The following ZNF654 variants were observed in gnomAD, a reference collection of about 807,000 sequenced individuals.
ZNF654 encodes the protein zinc finger protein 654.
A neutral mutation model predicts 95.3 loss-of-function variants in ZNF654; 19 were observed. The ratio of observed to expected loss-of-function variants is 0.20; its 90% CI spans 0.14 to 0.29. The LOEUF is 0.29. Ranked by LOEUF, ZNF654 falls within the 10% of genes least tolerant of loss-of-function variation. The pLI, the probability that ZNF654 is intolerant of heterozygous loss-of-function variation, is 1.00. For synonymous variants in ZNF654, 413 were observed against 457.9 expected, an observed-to-expected ratio of 0.90 and a Z score of 1.25; for missense variants, 1,046 against 1,341.0, an observed-to-expected ratio of 0.78 and a Z score of 3.44.
chr3:88,066,023 C>G (rs1246867098), intron 1 of ZNF654, among the ~76,000 whole-genome samples: 1 of 152,146 alleles, frequency 6.6e-6, no homozygotes, highest in Non-Finnish European at 1.5e-5. Context: ...CATGAGCTAC[C>G]GCGCCTAGCC....
At chr3:88,136,997 C>G (rs1208626741) in intron 7 of ZNF654, among the ~76,000 whole-genome samples, 1 of 151,938 alleles carries the variant, frequency 6.6e-6, no homozygotes, top group Admixed American at 6.6e-5. Context: ...AAGTTCAAGA[C>G]CAGTCTGGCC....
At chr3:88,106,681 A>C (rs566529374) in intron 2 of ZNF654, among the ~76,000 whole-genome samples, 2 of 152,106 alleles carry the variant, frequency 1.3e-5, no homozygotes, top group South Asian at 2.1e-4. Context: ...TGTGGTGTTA[A>C]TTTGTTTAAT....
rs1240290100 is a variant in ZNF654 at position 88,139,717 on chromosome 3, A to G, written c.2048A>G (p.Asn683Ser). The G allele has an allele frequency of 1.3e-6, 2 of 1,564,808 alleles. No homozygotes were observed. The highest frequency in any genetic ancestry group is 2.4e-5 in the East Asian group (1 of 42,334). Reference sequence around the variant, plus strand: ...AATGTTATTGAAAATGGCAGTCCTAATAATTCTTTAAATAATGTTTTCAAG... The same window carrying G: ...AATGTTATTGAAAATGGCAGTCCTAGTAATTCTTTAAATAATGTTTTCAAG... ...IENVIENGSP[N>S]NSLNNVFKPL... is the part of the protein sequence containing the mutation. Residue 683 changes from asparagine to serine, a missense_variant, in exon 8 of 9, where the codon AAT becomes AGT. Physicochemically the swap from Asn to Ser is conservative, Grantham distance 46. Around this residue, in one of 9 missense-constraint regions of ZNF654, gnomAD observed 495 missense variants for 537.0 expected, o/e 0.92. Transcript: ENST00000636215.
At chr3:88,138,656 C>T in intron 7 of ZNF654, 49 bp from the exon 8 acceptor site, 1 of 1,135,254 alleles carries the variant, frequency 8.8e-7, no homozygotes, top group Non-Finnish European at 1.1e-6. Flanking sequence ...CTAGTATAAC[C>T]ATTTTTTTGG....
Position 88,135,094 on chromosome 3 carries a change from T to C in ZNF654, c.927T>C (p.Leu309=). Residue 309 remains leucine, a synonymous_variant, in exon 7 of 9, where the codon CTT becomes CTC. Coordinates refer to ENST00000636215, the MANE Select transcript of ZNF654 (RefSeq NM_001350134.2). Reference sequence around the variant, plus strand: ...TTTTCATATGGAGTAAACTACAGCTTAAATCTAATCCTTCAAAACAAGTTT... The same window carrying C: ...TTTTCATATGGAGTAAACTACAGCTCAAATCTAATCCTTCAAAACAAGTTT... The part of the protein sequence containing the change: ...ELIFIWSKLQ[L]KSNPSKQVFV... The C allele has an allele frequency of 6.8e-7, 1 of 1,471,954 alleles. No homozygotes were observed. The highest frequency in any genetic ancestry group is 1.4e-5 in the South Asian group (1 of 71,690). The allele number at this position is 1,471,954 out of a possible 1,614,324, so 91.2% of individuals were successfully genotyped here.
At chr3:88,080,721 A>G (rs1708034873) in intron 1 of ZNF654, among the ~76,000 whole-genome samples, 1 of 152,208 alleles carries the variant, frequency 6.6e-6, no homozygotes, top group African/African-American at 2.4e-5. Flanking sequence ...GTAATAAAGT[A>G]GAAAAAGTAA....
chr3:88,114,100 G>T (rs1705251404), intron 3 of ZNF654, among the ~76,000 whole-genome samples: 1 of 152,118 alleles, frequency 6.6e-6, no homozygotes, highest in Admixed American at 6.6e-5. Flanking sequence ...AAGAAAAACA[G>T]TAGTAAGCAA....
chr3:88,059,542 G>A, intron 1 of ZNF654, 37 bp downstream of exon 1: 1 of 1,453,912 alleles, frequency 6.9e-7, no homozygotes, highest in South Asian at 1.4e-5. Flanking sequence ...TTGTCACCCG[G>A]GTCCTGGGCC....
At chr3:88,105,569 A>T (rs1044850309) in intron 2 of ZNF654, among the ~76,000 whole-genome samples, 26 of 152,142 alleles carry the variant, frequency 1.7e-4, no homozygotes, top group African/African-American at 6.0e-4. Context: ...GGATGAACAC[A>T]TTGTAATGTT....
chr3:88,076,712 C>T (rs576404161), intron 1 of ZNF654, among the ~76,000 whole-genome samples: 1 of 152,296 alleles, frequency 6.6e-6, no homozygotes, highest in East Asian at 1.9e-4. Context: ...TTCCCTTGTC[C>T]ATGCACCAAT....
intron 2 of ZNF654, among the ~76,000 whole-genome samples, chr3:88,093,969 A>T (rs1260006196): frequency 1.7e-4 from 26 of 152,322 alleles, no homozygotes; most frequent in African/African-American, 7.2e-5. Flanking sequence ...ACGAACAATT[A>T]TTCAACACCT....
intron 2 of ZNF654, among the ~76,000 whole-genome samples, chr3:88,112,032 G>T (rs540342628): frequency 1.3e-5 from 2 of 151,828 alleles, no homozygotes; most frequent in South Asian, 2.1e-4. Flanking sequence ...TTTAAATTAA[G>T]GAAATCATCA....
chr3:88,130,212 G>A (rs1016102498), intron 6 of ZNF654, among the ~76,000 whole-genome samples: 1 of 151,868 alleles, frequency 6.6e-6, no homozygotes, highest in African/African-American at 2.4e-5. Context: ...CACTCTTCAG[G>A]GGCTATTAAG....
intron 1 of ZNF654, among the ~76,000 whole-genome samples, chr3:88,080,948 T>C (rs1708045304): frequency 6.6e-6 from 1 of 152,228 alleles, no homozygotes; most frequent in African/African-American, 2.4e-5. Flanking sequence ...TTTCCATTGA[T>C]GTTCTTTTCC....
At chr3:88,082,024 G>C (rs1160626256) in intron 1 of ZNF654, among the ~76,000 whole-genome samples, 8 of 152,118 alleles carry the variant, frequency 5.3e-5, no homozygotes, top group Non-Finnish European at 1.5e-5. Flanking sequence ...TGCACAGATT[G>C]TATTAGTCTG....
Position 88,129,812 on chromosome 3 carries a change from T to C in ZNF654, c.879T>C (p.Asp293=). Residue 293 remains aspartate (D), a synonymous_variant, in exon 6 of 9, where the codon GAT becomes GAC. Transcript: ENST00000636215. ...TTATTCCACAGCTCCAGAATGGGGA[T>C]ATGTACTGTATCTGGTAAGTGTTTG... ...SFLIPQLQNG[D]MYCIWELIFI... 1 of 1,493,676 alleles carries C rather than the reference T, an allele frequency of 6.7e-7. No individual in the cohort carries two copies. The highest frequency in any genetic ancestry group is 8.9e-7 in the Non-Finnish European group (1 of 1,121,336). 92.5% of individuals were successfully genotyped at this position (1,493,676 alleles called of 1,614,324 possible). A position where few individuals can be genotyped will look rare whatever the true frequency, so the allele number is the denominator to read the frequency against.
chr3:88,067,686 C>G (rs776835996), intron 1 of ZNF654, among the ~76,000 whole-genome samples: 17 of 152,146 alleles, frequency 1.1e-4, no homozygotes, highest in Non-Finnish European at 2.1e-4. Context: ...GAGATCCAAT[C>G]GTTGAATTAA....
At position 88,140,300 on chromosome 3, in the gene ZNF654, T is replaced by A. The variant is rs1261781455; in HGVS notation, c.2631T>A (p.Ser877=). 6.2e-7 allele frequency: 1 copy of A among 1,613,798 alleles called. No homozygotes were observed. The highest frequency in any genetic ancestry group is 1.3e-5 in the African/African-American group (1 of 75,040). Reference sequence around the variant, plus strand: ...ATTTAAGTAAAACACCAGAGTCATCTGCACAACCAAGTGAAACAATTCTTT... The same window carrying A: ...ATTTAAGTAAAACACCAGAGTCATCAGCACAACCAAGTGAAACAATTCTTT... ...QHYLSKTPES[S]AQPSETILWD... Residue 877 remains serine (S), a synonymous_variant, in exon 8 of 9, where the codon TCT becomes TCA. Coordinates refer to ENST00000636215, the MANE Select transcript of ZNF654 (RefSeq NM_001350134.2).
In ZNF654 at chr3:88,065,677, T is replaced by C. The variant is rs543875862; in HGVS notation, c.186+6172T>C. On this transcript the variant is annotated intron_variant, in intron 1 of 8. Transcript: ENST00000636215. ...CTTTATAATCAAAGAAAAAATAAAG[T>C]ATATAAAATAAATTTCATTTTCTTT... 1.4e-3 allele frequency among the ~76,000 whole-genome samples: 208 copies of C among 152,188 alleles called. 1 individual carries two copies. Among genetic ancestry groups the C allele is most frequent in the Non-Finnish European group, 2.7e-3 (181 of 68,034 alleles).
Sources: gnomAD v4.1 joint callset for allele counts (sites outside exome capture counted in the v4.1 genomes callset) on GRCh38, gnomAD v4.1.1 for gene constraint, gnomAD v4.1.1 regional missense constraint, MANE v1.5 for transcripts, NCBI Gene and HGNC (gene_info 2026-07-23, HGNC 2026-07-21) for gene names.